The following LRRC9 variants were observed in gnomAD, a reference collection of about 807,000 sequenced individuals.
LRRC9 encodes the protein leucine-rich repeat-containing protein 9.
In LRRC9, 122 loss-of-function variants were observed where a neutral mutation model predicts 63.2. The ratio of observed to expected loss-of-function variants is 1.93; its 90% confidence interval spans 1.67 to 2.24. The LOEUF (loss-of-function observed/expected upper bound fraction) is 2.24, where lower values mean the gene tolerates loss of function less well. Ranked by LOEUF, LRRC9 falls within the 30% of genes most tolerant of loss-of-function variation. The pLI is 0.00. For missense variants in LRRC9, 1,071 were observed against 627.7 expected (o/e 1.71, Z -7.55); for synonymous variants, 366 against 213.1 (o/e 1.72, Z -6.25).
At chr14:59,943,324 A>G (rs937350908) in intron 7 of LRRC9, among the ~76,000 whole-genome samples, 7 of 151,956 alleles carry the variant, frequency 4.6e-5, no homozygotes, top group African/African-American at 1.7e-4. Context: ...TGATTTTTGT[A>G]TATGTTGAGA....
At chr14:59,926,276 T>C (rs1170957396) in intron 1 of LRRC9, among the ~76,000 whole-genome samples, 1 of 152,214 alleles carries the variant, frequency 6.6e-6, no homozygotes, top group Non-Finnish European at 1.5e-5. Context: ...AGCACTGCTA[T>C]ATTCTTTTCT....
chr14:59,955,900 C>A (rs1362743068), intron 8 of LRRC9, among the ~76,000 whole-genome samples: 2 of 152,026 alleles, frequency 1.3e-5, no homozygotes, highest in African/African-American at 4.8e-5. Flanking sequence ...GTTATTTTCC[C>A]AGTATTATTC....
intron 23 of LRRC9, among the ~76,000 whole-genome samples, chr14:60,015,136 A>G (rs766782756): frequency 3.3e-5 from 5 of 151,718 alleles, no homozygotes; most frequent in Non-Finnish European, 7.4e-5. Context: ...TTCATTCTTC[A>G]TATCTTCTAT....
intron 3 of LRRC9, among the ~76,000 whole-genome samples, chr14:59,929,725 C>T (rs2139772569): frequency 6.6e-6 from 1 of 152,156 alleles, no homozygotes; most frequent in South Asian, 2.1e-4. Flanking sequence ...ACATATACAC[C>T]ATGGAATACC....
intron 31 of LRRC9, chr14:60,059,082 A>G (rs1894483862): frequency 6.6e-6 from 1 of 152,140 alleles, no homozygotes; most frequent in South Asian, 2.1e-4. Context: ...ATTCATCTTC[A>G]TAACTTCCTT....
intron 8 of LRRC9, among the ~76,000 whole-genome samples, 188 bp downstream of exon 8, chr14:59,944,932 G>A (rs1417195348): frequency 6.6e-6 from 1 of 151,366 alleles, no homozygotes; most frequent in Non-Finnish European, 1.5e-5. Context: ...CCCCAAAAAA[G>A]TTCTGATTCC....
intron 30 of LRRC9, among the ~76,000 whole-genome samples, chr14:60,057,266 C>A (rs1285388814): frequency 6.6e-6 from 1 of 152,090 alleles, no homozygotes; most frequent in East Asian, 1.9e-4. Context: ...AAATATTTTT[C>A]TCCTCTATTT....
chr14:59,957,739 G>A (rs192560991), intron 8 of LRRC9, among the ~76,000 whole-genome samples: 3 of 152,126 alleles, frequency 2.0e-5, no homozygotes, highest in African/African-American at 7.2e-5. Flanking sequence ...CAGCGTTTTT[G>A]TGCTGGTTTT....
At chr14:59,995,615 C>T (rs978891241) in intron 17 of LRRC9, among the ~76,000 whole-genome samples, 1 of 151,952 alleles carries the variant, frequency 6.6e-6, no homozygotes, top group Admixed American at 6.6e-5. Flanking sequence ...TATTGCAAAA[C>T]TGAAATACTG....
exon 20 of LRRC9, chr14:60,002,008 C>T (rs1449368445): frequency 8.6e-6 from 6 of 701,114 alleles, no homozygotes; most frequent in African/African-American, 1.7e-5. Context: ...GGAGAGACCA[C>T]GGATACTTAG....
At chr14:59,949,668 A>G (rs920630689) in intron 8 of LRRC9, among the ~76,000 whole-genome samples, 3 of 150,690 alleles carry the variant, frequency 2.0e-5, no homozygotes, top group African/African-American at 7.3e-5. Context: ...CACTGCTTTG[A>G]ATGCGTCCCA....
At chr14:59,925,392 G>C (rs907044896) in intron 1 of LRRC9, among the ~76,000 whole-genome samples, 2 of 152,182 alleles carry the variant, frequency 1.3e-5, no homozygotes, top group African/African-American at 4.8e-5. Context: ...AGAAGGAACA[G>C]TATGTACTCA....
chr14:60,050,413 A>G (rs1027950316), intron 29 of LRRC9, among the ~76,000 whole-genome samples: 1 of 152,198 alleles, frequency 6.6e-6, no homozygotes, highest in Non-Finnish European at 1.5e-5. Context: ...TTTCAGCTGT[A>G]TCAGGTCAGT....
intron 17 of LRRC9, among the ~76,000 whole-genome samples, chr14:59,987,503 C>T (rs182438087): frequency 2.9e-4 from 44 of 149,466 alleles, no homozygotes; most frequent in Non-Finnish European, 5.8e-4. Context: ...CCTTCCATTT[C>T]CCATAGTTTA....
intron 8 of LRRC9, among the ~76,000 whole-genome samples, chr14:59,946,088 A>G (rs374529886): frequency 1.1e-3 from 172 of 151,670 alleles, no homozygotes; most frequent in Middle Eastern, 3.4e-3. Flanking sequence ...TATATATAAA[A>G]ATATTTATAT....
At position 60,027,752 on chromosome 14, in the gene LRRC9, G is replaced by A; in HGVS notation, c.3704-132G>A. The stretch of plus-strand genomic sequence containing the variant: ...GTAAATTACATTTCAATTTCTCTTT[G>A]GAAATAAGTTTCTTGAATCCTTTAC... On this transcript the variant is annotated intron_variant, in intron 27 of 31. Coordinates refer to ENST00000445360, the Ensembl canonical transcript of LRRC9. The surrounding 1 kb of genome is among the most constrained non-coding windows in gnomAD (Gnocchi z 4.0). 1.9e-6 allele frequency: 1 copy of A among 523,508 alleles called. No individual in the cohort carries two copies. The highest frequency in any genetic ancestry group is 3.4e-6 in the Non-Finnish European group (1 of 297,454). 32.4% of individuals were successfully genotyped at this position (523,508 alleles called of 1,614,324 possible).
At chr14:60,035,751 A>T (rs1325629976) in intron 29 of LRRC9, among the ~76,000 whole-genome samples, 2 of 152,160 alleles carry the variant, frequency 1.3e-5, no homozygotes, top group Non-Finnish European at 2.9e-5. Flanking sequence ...TAGCTTTGTA[A>T]TAAAATTTGA....
At chr14:60,000,289 C>T (rs569568475) in intron 19 of LRRC9, among the ~76,000 whole-genome samples, 11 of 151,924 alleles carry the variant, frequency 7.2e-5, no homozygotes, top group East Asian at 1.9e-4. Flanking sequence ...TTGGAGAATA[C>T]GACAGGGAGG....
intron 3 of LRRC9, among the ~76,000 whole-genome samples, chr14:59,929,499 A>G (rs1339754722): frequency 6.6e-6 from 1 of 152,092 alleles, no homozygotes; most frequent in Admixed American, 6.5e-5. Context: ...TTAGTTCAAC[A>G]TTGTGGAGAA....
Sources: gnomAD v4.1 joint callset for allele counts (sites outside exome capture counted in the v4.1 genomes callset) on GRCh38, gnomAD v4.1.1 for gene constraint, Gnocchi (gnomAD v3.1) non-coding constraint, MANE v1.5 for transcripts, NCBI Gene and HGNC (gene_info 2026-07-23, HGNC 2026-07-21) for gene names.